Variants in PTPRD observed in about 807,000 individuals in gnomAD.
PTPRD encodes receptor-type tyrosine-protein phosphatase delta.
In PTPRD, 34 loss-of-function variants were observed where a neutral mutation model predicts 214.5. The observed-to-expected ratio is 0.16, with a 90% confidence interval of 0.12 to 0.21. PTPRD has a LOEUF of 0.21. Ranked by LOEUF, PTPRD falls within the 10% of genes least tolerant of loss-of-function variation. The pLI is 1.00. For synonymous variants in PTPRD, 1,128 were observed against 845.7 expected (o/e 1.33, Z -5.79); for missense variants, 2,545 against 2,398.7 (o/e 1.06, Z -1.27).
chr9:9,685,351 A>G (rs1007683500), intron 7 of PTPRD, among the ~76,000 whole-genome samples: 23 of 151,170 alleles, frequency 1.5e-4, no homozygotes, highest in Non-Finnish European at 3.4e-4. Flanking sequence ...ACACTTAAAC[A>G]TGTACTTATT....
intron 8 of PTPRD, among the ~76,000 whole-genome samples, chr9:9,529,284 AT>A (rs986556541): frequency 2.0e-5 from 3 of 151,576 alleles, no homozygotes; most frequent in African/African-American, 7.3e-5. Context: ...AAAAAAAAAA[AT>A]AATAAATGGA....
At chr9:10,549,848 A>T (rs1227174624) in intron 2 of PTPRD, among the ~76,000 whole-genome samples, 1 of 152,148 alleles carries the variant, frequency 6.6e-6, no homozygotes, top group East Asian at 1.9e-4. Flanking sequence ...AAGGTAATGA[A>T]AAAATAATGG....
chr9:10,495,977 C>G (rs2041920509), intron 2 of PTPRD, among the ~76,000 whole-genome samples: 1 of 151,620 alleles, frequency 6.6e-6, no homozygotes, highest in South Asian at 2.1e-4. Context: ...TGTTTCATAA[C>G]ATCAATGATA....
intron 12 of PTPRD, among the ~76,000 whole-genome samples, chr9:8,658,011 G>T (rs2096949185): frequency 6.6e-6 from 1 of 151,918 alleles, no homozygotes; most frequent in African/African-American, 2.4e-5. Context: ...GCAAAATATT[G>T]CTTGTCTTTT....
chr9:9,089,410 C>A (rs2099772248), intron 10 of PTPRD, among the ~76,000 whole-genome samples: 1 of 152,158 alleles, frequency 6.6e-6, no homozygotes, highest in Non-Finnish European at 1.5e-5. Context: ...GTAGCTGGGA[C>A]AATTGCTCCC....
chr9:9,865,809 T>A (rs2063810430), intron 5 of PTPRD, among the ~76,000 whole-genome samples: 1 of 152,226 alleles, frequency 6.6e-6, no homozygotes, highest in South Asian at 2.1e-4. Flanking sequence ...TAACATTCCA[T>A]TTTAGCCGAT....
chr9:10,192,663 T>A (rs905673815), intron 3 of PTPRD, among the ~76,000 whole-genome samples: 2 of 152,090 alleles, frequency 1.3e-5, no homozygotes, highest in Non-Finnish European at 2.9e-5. Flanking sequence ...TGGTCTTTTA[T>A]ATCCCTCACT....
intron 5 of PTPRD, among the ~76,000 whole-genome samples, chr9:9,848,720 T>A (rs1599671707): frequency 6.6e-6 from 1 of 152,174 alleles, no homozygotes; most frequent in East Asian, 1.9e-4. Context: ...TATCCTTACA[T>A]CTTCATCATT....
intron 3 of PTPRD, among the ~76,000 whole-genome samples, chr9:10,212,561 A>T (rs1403498386): frequency 6.6e-6 from 1 of 152,154 alleles, no homozygotes; most frequent in Non-Finnish European, 1.5e-5. Flanking sequence ...CCTATAGTTT[A>T]AAAGCTCCAA....
At chr9:9,397,199 G>C (rs1047549251) in intron 9 of PTPRD, among the ~76,000 whole-genome samples, 1 of 151,936 alleles carries the variant, frequency 6.6e-6, no homozygotes, top group Non-Finnish European at 1.5e-5. Context: ...TTGATTGAGA[G>C]ATTGTTAAAG....
At chr9:8,477,309 T>G (rs1024103368) in intron 30 of PTPRD, among the ~76,000 whole-genome samples, 1 of 152,172 alleles carries the variant, frequency 6.6e-6, no homozygotes, top group Non-Finnish European at 1.5e-5. Context: ...GGAAAGCCCT[T>G]GACTACTTAT....
intron 10 of PTPRD, among the ~76,000 whole-genome samples, chr9:9,046,549 T>A (rs571412467): frequency 6.6e-6 from 1 of 152,326 alleles, no homozygotes; most frequent in Admixed American, 6.5e-5. Flanking sequence ...ACTAACGTCT[T>A]CCTATTCCTT....
intron 3 of PTPRD, among the ~76,000 whole-genome samples, chr9:10,167,211 A>C (rs1043828857): frequency 6.6e-6 from 1 of 151,998 alleles, no homozygotes; most frequent in African/African-American, 2.4e-5. Context: ...ATTAAGAAAT[A>C]ATCTTGTAGA....
At chr9:8,444,780 C>G (rs78133293) in intron 34 of PTPRD, among the ~76,000 whole-genome samples, 9,112 of 152,064 alleles carry the variant, frequency 0.06, 302 homozygotes, top group South Asian at 0.11. Context: ...TGTTCTGGGA[C>G]GGAGAGACTA....
At chr9:9,684,521 T>G (rs901022026) in intron 7 of PTPRD, among the ~76,000 whole-genome samples, 1 of 151,746 alleles carries the variant, frequency 6.6e-6, no homozygotes, top group Non-Finnish European at 1.5e-5. Context: ...CCTAAGATAG[T>G]TGCTTATTAT....
intron 3 of PTPRD, among the ~76,000 whole-genome samples, chr9:10,227,530 T>G: frequency 6.6e-6 from 1 of 151,970 alleles, no homozygotes; most frequent in African/African-American, 2.4e-5. Context: ...ATCACTTCCC[T>G]TAACTGCATT....
chr9:8,513,927 G>T (rs1417446116), intron 21 of PTPRD, among the ~76,000 whole-genome samples: 2 of 152,074 alleles, frequency 1.3e-5, no homozygotes, highest in Non-Finnish European at 2.9e-5. Flanking sequence ...TGTATTAAAA[G>T]TAAAACTATT....
At chr9:9,181,928 T>C (rs985787062) in intron 10 of PTPRD, among the ~76,000 whole-genome samples, 1 of 152,038 alleles carries the variant, frequency 6.6e-6, no homozygotes, top group Non-Finnish European at 1.5e-5. Flanking sequence ...GAAGATAATG[T>C]GCTTGGAAAA....
In PTPRD at chr9:9,779,078, C is replaced by CAAAAAAAAA. The variant is rs869120926; in HGVS notation, c.-367-12236_-367-12228dup. On this transcript the variant is annotated intron_variant, in intron 5 of 45. Transcript: ENST00000381196. ...GCCATGTGATCTTTCATAAGACTGA[C>CAAAAAAAAA]AAAAAAAAAAAAAAAAAAAAAAAAA... Among the ~76,000 whole-genome samples, 89 of 45,480 alleles carry CAAAAAAAAA rather than the reference C, an allele frequency of 2.0e-3. 10 individuals are homozygous for CAAAAAAAAA. The highest frequency in any genetic ancestry group is 4.0e-3 in the African/African-American group (45 of 11,276). The allele number at this position is 45,480 out of a possible 152,430, so 29.8% of individuals were successfully genotyped here.
Sources: gnomAD v4.1 joint callset for allele counts (sites outside exome capture counted in the v4.1 genomes callset) on GRCh38, gnomAD v4.1.1 for gene constraint, MANE v1.5 for transcripts, NCBI Gene and HGNC (gene_info 2026-07-23, HGNC 2026-07-21) for gene names.